Variants in AKAP13 observed in about 807,000 individuals in gnomAD.
AKAP13 encodes the protein A-kinase anchor protein 13.
AKAP13 carries 80 observed loss-of-function variants against 264.5 expected under a neutral mutation model. The observed-to-expected ratio is 0.30, with a 90% CI of 0.25 to 0.36. AKAP13 has a LOEUF of 0.36. Ranked by LOEUF, AKAP13 falls within the 10% of genes least tolerant of loss-of-function variation. The probability of loss-of-function intolerance (pLI) is 1.00; values close to 1 mark genes in which losing one functional copy is unlikely to be tolerated. For synonymous variants in AKAP13, 1,380 were observed against 1,250.2 expected (o/e 1.10, Z -2.19); for missense variants, 3,712 against 3,435.2 (o/e 1.08, Z -2.01).
intron 3 of AKAP13, among the ~76,000 whole-genome samples, chr15:85,526,995 C>T (rs2077074290): frequency 6.6e-6 from 1 of 151,014 alleles, no homozygotes; most frequent in South Asian, 2.1e-4. Context: ...CGCTCTGTCG[C>T]CCAGGCTGGA....
At chr15:85,466,816 T>G (rs1303352484) in intron 1 of AKAP13, among the ~76,000 whole-genome samples, 1 of 152,246 alleles carries the variant, frequency 6.6e-6, no homozygotes, top group Non-Finnish European at 1.5e-5. Context: ...ATCTTGGAAT[T>G]AAGAGAAACT....
intron 8 of AKAP13, among the ~76,000 whole-genome samples, chr15:85,625,348 T>C (rs890790305): frequency 6.6e-6 from 1 of 152,224 alleles, no homozygotes; most frequent in Non-Finnish European, 1.5e-5. Context: ...GATGATTTTT[T>C]CCTATCCCGT....
chr15:85,478,549 G>A (rs569855854), intron 1 of AKAP13, among the ~76,000 whole-genome samples: 16 of 152,220 alleles, frequency 1.1e-4, no homozygotes, highest in Middle Eastern at 6.8e-3. Context: ...GTAATCCAGC[G>A]TTGATAAAGA....
rs568187507 is a variant in AKAP13, at chr15:85,587,000, G to A, written c.4161+1177G>A. ...TTGTTTTAAGAATAGTTTGTTTTGG[G>A]ATATGATTCACATACCATAAAATCC... On this transcript the variant is annotated intron_variant, in intron 8 of 36. Transcript: ENST00000394518. Among the ~76,000 whole-genome samples the A allele has an allele frequency of 2.0e-5, 3 of 151,916 alleles. No individual in the cohort carries two copies. In the South Asian group the frequency reaches 6.2e-4, roughly 31 times the overall value.
intron 12 of AKAP13, among the ~76,000 whole-genome samples, chr15:85,659,768 A>G (rs564949837): frequency 2.2e-4 from 33 of 152,270 alleles, no homozygotes; most frequent in Non-Finnish European, 2.9e-4. Flanking sequence ...TTTCATCCCT[A>G]GTGAAACTTA....
At chr15:85,730,997 CTTTTTTTTTTTTTTTT>C (rs71468134) in intron 30 of AKAP13, among the ~76,000 whole-genome samples, 1 of 57,380 alleles carries the variant, frequency 1.7e-5, no homozygotes, top group African/African-American at 7.6e-5. Context: ...GTCACTTATG[CTTTTTTTTTTTTTTTT>C]TTTTTTTTGG....
intron 8 of AKAP13, among the ~76,000 whole-genome samples, chr15:85,595,745 T>C (rs1330080540): frequency 6.6e-6 from 1 of 152,172 alleles, no homozygotes; most frequent in African/African-American, 2.4e-5. Context: ...GCTCAGCCCT[T>C]CGAAGATCAT....
rs1345292544 is a variant in AKAP13, at chr15:85,579,527, A to G, written c.1459A>G (p.Met487Val). 1.3e-5 allele frequency: 21 copies of G among 1,614,080 alleles called. No individual in the cohort carries two copies. The highest frequency in any genetic ancestry group is 1.7e-5 in the Non-Finnish European group (20 of 1,180,022). The change falls in exon 7 of 37, where the codon ATG becomes GTG. Residue 487 changes from methionine (M) to valine (V), a missense_variant. Around this residue, in one of 3 missense-constraint regions of AKAP13, gnomAD observed 2,759 missense variants for 2,411.7 expected, o/e 1.14. Transcript: ENST00000394518. ...DTAGEMEHGLMNPDATVWKNV... is the reference protein window; with the variant it reads ...DTAGEMEHGLVNPDATVWKNV... ...TGCAGGGGAAATGGAACATGGGCTCATGAACCCAGATGCCACTGTTTGGAA... is the reference window on the plus strand; with the variant it reads ...TGCAGGGGAAATGGAACATGGGCTCGTGAACCCAGATGCCACTGTTTGGAA...
chr15:85,645,862 T>C lies in AKAP13; in HGVS notation c.4282T>C (p.Ser1428Pro), dbSNP rs2082539515. The change falls in exon 10 of 37, where the codon TCA (serine) becomes CCA (proline). Residue 1428 changes from serine to proline, a missense_variant. Ser to Pro is a moderately conservative substitution (Grantham distance 74). Transcript: ENST00000394518. ...LDVGLGRECT[S>P]KQGVLKRESG... is the part of the protein sequence containing the mutation. ...TGTTGGACTGGGCAGAGAGTGTACC[T>C]CAAAACAAGGTGTACTTAAAAGAGA... 1 of 1,612,702 alleles carries C rather than the reference T, an allele frequency of 6.2e-7. No individual in the cohort carries two copies. The highest frequency in any genetic ancestry group is 8.5e-7 in the Non-Finnish European group (1 of 1,179,488).
intron 4 of AKAP13, among the ~76,000 whole-genome samples, chr15:85,540,466 C>T (rs548590943): frequency 6.6e-6 from 1 of 152,260 alleles, no homozygotes; most frequent in South Asian, 2.1e-4. Flanking sequence ...ATGATGCAGC[C>T]ATCCACAATC....
chr15:85,506,567 A>G (rs2151106546), intron 2 of AKAP13, among the ~76,000 whole-genome samples: 1 of 152,272 alleles, frequency 6.6e-6, no homozygotes, highest in Non-Finnish European at 1.5e-5. Context: ...ATGAATAAAT[A>G]CGTGTCAGAA....
In AKAP13 at chr15:85,465,231, C is replaced by T. The variant is rs185619396; in HGVS notation, c.-11-20479C>T. ...CCTCCCAAAGTGCTGGGATTACAGG[C>T]GTGAGCCACCACGCCCGGCCAGGCA... On this transcript the variant is annotated intron_variant, in intron 1 of 36. Coordinates refer to ENST00000394518, the MANE Select transcript of AKAP13 (RefSeq NM_007200.5). Among the ~76,000 whole-genome samples, 1,451 of 151,990 alleles carry T rather than the reference C, an allele frequency of 9.5e-3. 13 individuals are homozygous for T. The highest frequency in any genetic ancestry group is 0.015 in the Non-Finnish European group (1,028 of 67,992).
intron 2 of AKAP13, among the ~76,000 whole-genome samples, chr15:85,486,027 C>A (rs6497207): frequency 0.51 from 77,582 of 152,016 alleles, 20,351 homozygotes; most frequent in Middle Eastern, 0.61. Flanking sequence ...ATTGTCCTGC[C>A]AAACAGTACT....
At chr15:85,506,991 A>C (rs1471679758) in intron 2 of AKAP13, among the ~76,000 whole-genome samples, 2 of 150,294 alleles carry the variant, frequency 1.3e-5, no homozygotes, top group African/African-American at 4.9e-5. Flanking sequence ...GTCAGCTCTT[A>C]CATGGCTTTT....
At chr15:85,652,577 C>T (rs1243960009) in intron 10 of AKAP13, among the ~76,000 whole-genome samples, 2 of 152,132 alleles carry the variant, frequency 1.3e-5, no homozygotes, top group Non-Finnish European at 2.9e-5. Context: ...GGCAGCTAAG[C>T]GTGAGTATAT....
chr15:85,454,533 G>A lies in AKAP13; in HGVS notation c.-11-31177G>A, dbSNP rs1417860980. Among the ~76,000 whole-genome samples the A allele has an allele frequency of 2.6e-5, 4 of 152,026 alleles. No homozygotes were observed. In the East Asian group the frequency reaches 7.7e-4, roughly 29 times the overall value. The stretch of plus-strand genomic sequence containing the variant: ...TTAATCCCAATGAGAGTACCTGGAT[G>A]TTTCAGTTGAAGGTGTTGTATTTAC... On this transcript the variant is annotated intron_variant, in intron 1 of 36. Transcript: ENST00000394518.
chr15:85,667,513 A>G (rs2083669169), intron 13 of AKAP13, among the ~76,000 whole-genome samples: 1 of 152,230 alleles, frequency 6.6e-6, no homozygotes. Context: ...AAGGGTAAAT[A>G]AACAGTGAAA....
intron 5 of AKAP13, among the ~76,000 whole-genome samples, chr15:85,568,888 G>C (rs975058866): frequency 1.3e-5 from 2 of 152,168 alleles, no homozygotes; most frequent in Non-Finnish European, 2.9e-5. Context: ...AGATTGGGGG[G>C]TAGTGAAGGC....
chr15:85,691,433 A>G (rs1314264539), intron 16 of AKAP13, among the ~76,000 whole-genome samples: 1 of 152,072 alleles, frequency 6.6e-6, no homozygotes, highest in Non-Finnish European at 1.5e-5. Flanking sequence ...TTCATTAAGG[A>G]CCCACCACTC....
Sources: gnomAD v4.1 joint callset for allele counts (sites outside exome capture counted in the v4.1 genomes callset) on GRCh38, gnomAD v4.1.1 for gene constraint, gnomAD v4.1.1 regional missense constraint, MANE v1.5 for transcripts, NCBI Gene and HGNC (gene_info 2026-07-23, HGNC 2026-07-21) for gene names.